The following MCU variants were observed in gnomAD, a reference collection of about 807,000 sequenced individuals.
The protein encoded by MCU is mitochondrial calcium uniporter, also known as calcium uniporter protein, mitochondrial.
MCU carries 12 observed loss-of-function variants against 45.2 expected under a neutral mutation model. The observed-to-expected ratio is 0.27, with a 90% CI of 0.17 to 0.43. MCU has a LOEUF of 0.43. MCU is among the 20% of genes least tolerant of loss of function. The pLI is 1.00. For missense variants in MCU, 324 were observed against 436.7 expected (o/e 0.74, Z 2.30); for synonymous variants, 160 against 165.1 (o/e 0.97, Z 0.24).
In MCU at chr10:72,868,834, C is replaced by T. The variant is rs775442121; in HGVS notation, c.628C>T (p.Leu210Phe). 1 of 1,614,072 alleles carries T rather than the reference C, an allele frequency of 6.2e-7. No individual in the cohort carries two copies. The highest frequency in any genetic ancestry group is 8.5e-7 in the Non-Finnish European group (1 of 1,180,010). Residue 210 changes from leucine to phenylalanine, a missense_variant, in exon 5 of 8, where the codon CTC becomes TTC. Transcript: ENST00000373053. ...GGAGCTTATTGAAAGACTAGAGGATCTCAAAGAGCAGCTGGCTCCCCTGGA... is the reference window on the plus strand; with the variant it reads ...GGAGCTTATTGAAAGACTAGAGGATTTCAAAGAGCAGCTGGCTCCCCTGGA... ...ERELIERLEDLKEQLAPLEKV... is the reference protein window; with the variant it reads ...ERELIERLEDFKEQLAPLEKV...
intron 1 of MCU, among the ~76,000 whole-genome samples, chr10:72,790,249 A>T (rs1251158650): frequency 6.6e-6 from 1 of 152,228 alleles, no homozygotes; most frequent in Non-Finnish European, 1.5e-5. Flanking sequence ...TCACCAAAGA[A>T]GATGGGGGAA....
chr10:72,844,386 C>A (rs1343582649), intron 2 of MCU, among the ~76,000 whole-genome samples: 1 of 150,890 alleles, frequency 6.6e-6, no homozygotes, highest in African/African-American at 2.4e-5. Context: ...GACTCCATCT[C>A]AAAAAAAATG....
At chr10:72,736,722 A>T (rs532580629) in intron 1 of MCU, among the ~76,000 whole-genome samples, 2 of 152,320 alleles carry the variant, frequency 1.3e-5, no homozygotes, top group Admixed American at 6.5e-5. Context: ...GTACTTAACA[A>T]ATCTGTAACA....
intron 1 of MCU, among the ~76,000 whole-genome samples, chr10:72,698,956 A>G (rs1260802240): frequency 6.6e-6 from 1 of 152,022 alleles, no homozygotes; most frequent in African/African-American, 2.4e-5. Flanking sequence ...GGCACAATCC[A>G]CCACACTGGG....
At chr10:72,796,115 A>G (rs934042259) in intron 1 of MCU, among the ~76,000 whole-genome samples, 2 of 152,182 alleles carry the variant, frequency 1.3e-5, no homozygotes, top group African/African-American at 2.4e-5. Flanking sequence ...CTTAAACTGC[A>G]TGCAGTACTT....
chr10:72,839,982 A>T (rs1235396301), intron 2 of MCU, among the ~76,000 whole-genome samples: 1 of 151,586 alleles, frequency 6.6e-6, no homozygotes, highest in African/African-American at 2.4e-5. Context: ...AAAAAAAAAA[A>T]AAAAAGCTGC....
At chr10:72,836,447 G>A (rs1375590535) in intron 2 of MCU, among the ~76,000 whole-genome samples, 2 of 151,908 alleles carry the variant, frequency 1.3e-5, no homozygotes, top group Non-Finnish European at 2.9e-5. Flanking sequence ...TATAGGCTGT[G>A]TTATGTATAC....
intron 1 of MCU, among the ~76,000 whole-genome samples, chr10:72,810,947 A>G (rs545040513): frequency 5.3e-5 from 8 of 152,286 alleles, no homozygotes; most frequent in Admixed American, 4.6e-4. Context: ...TATACTGAGT[A>G]TGGAGATAGT....
chr10:72,864,516 ATTT>A (rs1206477262), intron 4 of MCU, among the ~76,000 whole-genome samples: 2 of 152,158 alleles, frequency 1.3e-5, no homozygotes, highest in Non-Finnish European at 2.9e-5. Flanking sequence ...AGCACTATAA[ATTT>A]ATTTTCCCTT....
intron 4 of MCU, among the ~76,000 whole-genome samples, chr10:72,862,183 G>T (rs565395565): frequency 1.3e-5 from 2 of 151,856 alleles, no homozygotes; most frequent in African/African-American, 4.8e-5. Context: ...GGGTTTCACC[G>T]TGTTAGCCAG....
intron 1 of MCU, among the ~76,000 whole-genome samples, chr10:72,807,235 C>T (rs1282135282): frequency 6.6e-6 from 1 of 152,114 alleles, no homozygotes; most frequent in Non-Finnish European, 1.5e-5. Flanking sequence ...AAAGAAGATG[C>T]ATTGACAGTA....
At chr10:72,729,042 G>T (rs1307091308) in intron 1 of MCU, among the ~76,000 whole-genome samples, 1 of 152,188 alleles carries the variant, frequency 6.6e-6, no homozygotes, top group East Asian at 1.9e-4. Flanking sequence ...CAGGAACAGT[G>T]TATTATGGTT....
At chr10:72,806,235 G>A (rs1014779243) in intron 1 of MCU, among the ~76,000 whole-genome samples, 5 of 137,724 alleles carry the variant, frequency 3.6e-5, no homozygotes, top group African/African-American at 1.4e-4. Flanking sequence ...TTGGCTCACC[G>A]CAACCTCCGC....
intron 1 of MCU, among the ~76,000 whole-genome samples, chr10:72,831,289 C>A (rs1186387368): frequency 6.6e-6 from 1 of 151,862 alleles, no homozygotes; most frequent in Non-Finnish European, 1.5e-5. Flanking sequence ...GGAGGGGAGT[C>A]TGTAGTTGAT....
In MCU at chr10:72,790,195, G is replaced by A. The variant is rs1377666018; in HGVS notation, c.151-44164G>A. ...CTACAGCATTGAAGTCCCAACAGCA[G>A]CATTTTGGTCTAGGTCTAGTATCTG... On this transcript the variant is annotated intron_variant, in intron 1 of 7. Coordinates refer to ENST00000373053, the MANE Select transcript of MCU (RefSeq NM_138357.3). Among the ~76,000 whole-genome samples, 3 of 152,164 alleles carry A rather than the reference G, an allele frequency of 2.0e-5. No individual in the cohort carries two copies. In the South Asian group the frequency reaches 6.2e-4, roughly 32 times the overall value.
chr10:72,874,114 T>A (rs1365859483), intron 6 of MCU, among the ~76,000 whole-genome samples: 1 of 152,176 alleles, frequency 6.6e-6, no homozygotes, highest in Non-Finnish European at 1.5e-5. Flanking sequence ...GTTTTTAGAA[T>A]TTTTTTCCTA....
chr10:72,823,375 A>G (rs1844743618), intron 1 of MCU, among the ~76,000 whole-genome samples: 1 of 152,162 alleles, frequency 6.6e-6, no homozygotes, highest in Non-Finnish European at 1.5e-5. Context: ...TGGTCTCTCA[A>G]CTGTGTAAAG....
intron 1 of MCU, among the ~76,000 whole-genome samples, chr10:72,697,658 A>ACTC (rs1238642533): frequency 6.8e-6 from 1 of 147,282 alleles, no homozygotes; most frequent in African/African-American, 2.5e-5. Flanking sequence ...CTAGTCTTGA[A>ACTC]CTCCTGACCT....
intron 1 of MCU, chr10:72,692,825 G>A: frequency 7.0e-7 from 1 of 1,419,744 alleles, no homozygotes; most frequent in Non-Finnish European, 9.2e-7. Flanking sequence ...GTCCTCTCTC[G>A]TCCCCGAGGG....
Sources: gnomAD v4.1 joint callset for allele counts (sites outside exome capture counted in the v4.1 genomes callset) on GRCh38, gnomAD v4.1.1 for gene constraint, MANE v1.5 for transcripts, NCBI Gene and HGNC (gene_info 2026-07-23, HGNC 2026-07-21) for gene names.